The following STK38L variants were observed in gnomAD, a reference collection of about 807,000 sequenced individuals.
STK38L encodes serine/threonine kinase 38 like, also known as serine/threonine-protein kinase 38-like.
Under a neutral mutation model 59.7 loss-of-function variants are expected in STK38L, and 28 were observed. The observed-to-expected ratio is 0.47, with a 90% CI of 0.35 to 0.64. STK38L has a LOEUF of 0.64. Among genes scored for constraint, STK38L ranks in the 30% least tolerant of loss-of-function variants. The pLI, the probability that STK38L is intolerant of heterozygous loss-of-function variation, is 0.01. For missense variants in STK38L, 314 were observed against 555.8 expected, an observed-to-expected ratio of 0.56 and a Z score of 4.37; for synonymous variants, 162 against 176.8, an observed-to-expected ratio of 0.92 and a Z score of 0.66.
chr12:27,260,106 C>T (rs889788185), intron 1 of STK38L, among the ~76,000 whole-genome samples: 3 of 152,194 alleles, frequency 2.0e-5, no homozygotes, highest in African/African-American at 4.8e-5. Context: ...CCCACCACCA[C>T]CACCACCATG....
At chr12:27,246,503 G>C (rs917540710) in intron 1 of STK38L, among the ~76,000 whole-genome samples, 1 of 152,146 alleles carries the variant, frequency 6.6e-6, no homozygotes, top group Non-Finnish European at 1.5e-5. Flanking sequence ...TCAGCAGATT[G>C]GCAAGTTATG....
chr12:27,325,948 A>C lies in STK38L; in HGVS notation c.*3493A>C, dbSNP rs1321898240. On this transcript the variant is annotated 3_prime_UTR_variant, in exon 14 of 14. Coordinates refer to ENST00000389032, the MANE Select transcript of STK38L (RefSeq NM_015000.4). ...TGAAGGTAAGATAAGAATAAAAACT[A>C]TGTTTACAAAATTTCTGTTGATGAA... The C allele has an allele frequency of 6.6e-6, 1 of 152,214 alleles. No individual in the cohort carries two copies. The highest frequency in any genetic ancestry group is 1.5e-5 in the Non-Finnish European group (1 of 68,022). 9.4% of individuals were successfully genotyped at this position (152,214 alleles called of 1,614,324 possible).
intron 1 of STK38L, among the ~76,000 whole-genome samples, chr12:27,267,304 G>A (rs1183601704): frequency 5.9e-5 from 9 of 152,096 alleles, no homozygotes; most frequent in Non-Finnish European, 7.4e-5. Flanking sequence ...GAACTTGGCC[G>A]GGCATGGTGG....
At chr12:27,319,450 A>G (rs764951477) in intron 12 of STK38L, 27 bp downstream of exon 12, 2 of 1,546,086 alleles carry the variant, frequency 1.3e-6, no homozygotes, top group Admixed American at 1.9e-5. Context: ...TGAATGGGAA[A>G]GGTCTGAGTA....
chr12:27,317,495 C>T, intron 10 of STK38L, 42 bp downstream of exon 10: 1 of 1,416,158 alleles, frequency 7.1e-7, no homozygotes, highest in Non-Finnish European at 9.8e-7. Context: ...ATATACATTT[C>T]CTTGAGTGCC....
At chr12:27,318,487 A>T (rs1276519905) in intron 11 of STK38L, among the ~76,000 whole-genome samples, 1 of 152,196 alleles carries the variant, frequency 6.6e-6, no homozygotes, top group Non-Finnish European at 1.5e-5. Flanking sequence ...TTATTTTTTT[A>T]AAATCCCTAA....
intron 12 of STK38L, among the ~76,000 whole-genome samples, chr12:27,320,780 AT>A (rs71437393): frequency 0.056 from 7,231 of 130,002 alleles, 175 homozygotes; most frequent in South Asian, 0.094. Context: ...GCAGCTAGTA[AT>A]TTTTTTTTTT....
chr12:27,253,601 C>G (rs774308537), intron 1 of STK38L, among the ~76,000 whole-genome samples: 1 of 152,154 alleles, frequency 6.6e-6, no homozygotes, highest in Non-Finnish European at 1.5e-5. Flanking sequence ...TAGCTGCAAT[C>G]AGGCATAGCA....
intron 1 of STK38L, 65 bp from the exon 2 acceptor site, chr12:27,297,645 A>T: frequency 3.3e-6 from 5 of 1,499,190 alleles, no homozygotes; most frequent in Non-Finnish European, 4.5e-6. Context: ...ACATTTTCAG[A>T]GTTTATTATA....
At chr12:27,268,218 T>G (rs113498448) in intron 1 of STK38L, among the ~76,000 whole-genome samples, 27,467 of 151,862 alleles carry the variant, frequency 0.18, 2,734 homozygotes, top group Non-Finnish European at 0.23. Flanking sequence ...CTGCACCCAT[T>G]AACTCGTCAT....
intron 9 of STK38L, among the ~76,000 whole-genome samples, chr12:27,315,565 T>C (rs1279530372): frequency 6.6e-6 from 1 of 152,240 alleles, no homozygotes; most frequent in Non-Finnish European, 1.5e-5. Flanking sequence ...TAGAGTAGTT[T>C]ACTGAGCATA....
intron 1 of STK38L, among the ~76,000 whole-genome samples, chr12:27,263,539 C>T (rs1379484909): frequency 1.3e-5 from 2 of 152,170 alleles, no homozygotes; most frequent in Admixed American, 1.3e-4. Context: ...GTATAGGGCA[C>T]CTCATCACTC....
At chr12:27,256,630 T>C (rs1943097592) in intron 1 of STK38L, among the ~76,000 whole-genome samples, 1 of 152,230 alleles carries the variant, frequency 6.6e-6, no homozygotes, top group Non-Finnish European at 1.5e-5. Context: ...GTTGGGCATT[T>C]ACTATATGTC....
At position 27,322,502 on chromosome 12, in the gene STK38L, T is replaced by A; in HGVS notation, c.*47T>A. The A allele has an allele frequency of 6.3e-7, 1 of 1,594,158 alleles. No individual in the cohort carries two copies. The highest frequency in any genetic ancestry group is 1.4e-5 in the African/African-American group (1 of 73,906). ...AACCAAGAGAACTCAGGTAGCTGCA[T>A]CACCAGGCTTGCTTGGCGTAGATAA... On this transcript the variant is annotated 3_prime_UTR_variant, in exon 14 of 14. Transcript: ENST00000389032.
Position 27,302,332 on chromosome 12 carries a change from T to G in STK38L, c.186+144T>G, listed in dbSNP as rs560250215. ...TTGTTGCTGTCATGGATATCTTTTATTGATATCTTTAGAAGGAGGCAGTTT... is the reference window on the plus strand; with the variant it reads ...TTGTTGCTGTCATGGATATCTTTTAGTGATATCTTTAGAAGGAGGCAGTTT... On this transcript the variant is annotated intron_variant, in intron 3 of 13. Transcript: ENST00000389032. The G allele has an allele frequency of 7.1e-5, 43 of 603,578 alleles. 2 individuals carry two copies. The East Asian group carries it at 1.1e-3, about 16-fold the overall frequency. 37.4% of individuals were successfully genotyped at this position (603,578 alleles called of 1,614,324 possible).
chr12:27,320,913 A>G (rs1944714034), intron 12 of STK38L, among the ~76,000 whole-genome samples: 1 of 151,784 alleles, frequency 6.6e-6, no homozygotes, highest in Non-Finnish European at 1.5e-5. Context: ...CTAACTCTTA[A>G]CCACTATGCT....
rs371438580 is a variant in STK38L at position 27,322,100 on chromosome 12, A to G, written c.1176-43A>G. On this transcript the variant is annotated intron_variant, in intron 12 of 13. Transcript: ENST00000389032. ...GTAGAATTATTTGTTGGAAATTGAG[A>G]GTTCAAGAAAAGTTACCATGCATAC... The G allele has an allele frequency of 1.9e-4, 291 of 1,526,286 alleles. 1 individual carries two copies. The African/African-American group carries it at 3.5e-3, about 19-fold the overall frequency. 94.5% of individuals were successfully genotyped at this position (1,526,286 alleles called of 1,614,324 possible). A position where few individuals can be genotyped will look rare whatever the true frequency, so the allele number is the denominator to read the frequency against.
rs1486829368 is a variant in STK38L at position 27,324,929 on chromosome 12, C to T, written c.*2474C>T. On this transcript the variant is annotated 3_prime_UTR_variant, in exon 14 of 14. Coordinates refer to ENST00000389032, the MANE Select transcript of STK38L (RefSeq NM_015000.4). ...CTATCTAGTCAACTGGGCATAATGA[C>T]ATTTTCTTTAAATTAGACTCTATTT... is the stretch of plus-strand genomic sequence containing the variant. 1 of 152,034 alleles carries T rather than the reference C, an allele frequency of 6.6e-6. No homozygotes were observed. Among genetic ancestry groups the T allele is most frequent in the Non-Finnish European group, 1.5e-5 (1 of 67,942 alleles). The allele number at this position is 152,034 out of a possible 1,614,324, so 9.4% of individuals were successfully genotyped here. A position where few individuals can be genotyped will look rare whatever the true frequency, so the allele number is the denominator to read the frequency against.
intron 1 of STK38L, among the ~76,000 whole-genome samples, chr12:27,268,786 T>C (rs896606766): frequency 5.3e-5 from 8 of 152,182 alleles, no homozygotes; most frequent in Non-Finnish European, 8.8e-5. Flanking sequence ...ACCTGTTGTT[T>C]CCTGACTTTT....
Sources: gnomAD v4.1 joint callset for allele counts (sites outside exome capture counted in the v4.1 genomes callset) on GRCh38, gnomAD v4.1.1 for gene constraint, MANE v1.5 for transcripts, NCBI Gene and HGNC (gene_info 2026-07-23, HGNC 2026-07-21) for gene names.